PARD3: variants seen among roughly 807,000 people sequenced by gnomAD.
PARD3 encodes par-3 family cell polarity regulator, also known as partitioning defective 3 homolog.
PARD3 carries 75 observed loss-of-function variants against 155.4 expected under a neutral mutation model. The observed-to-expected ratio is 0.48, with a 90% CI of 0.40 to 0.58. The LOEUF (loss-of-function observed/expected upper bound fraction) is 0.58. Ranked by LOEUF, PARD3 falls within the 20% of genes least tolerant of loss-of-function variation. The probability of loss-of-function intolerance (pLI) is 0.00; values close to 1 mark genes in which losing one functional copy is unlikely to be tolerated. For missense variants in PARD3, 1,642 were observed against 1,721.7 expected (o/e 0.95, Z 0.82); for synonymous variants, 576 against 610.5 (o/e 0.94, Z 0.83).
intron 5 of PARD3, among the ~76,000 whole-genome samples, chr10:34,421,663 A>C (rs189437600): frequency 5.3e-5 from 8 of 152,316 alleles, no homozygotes; most frequent in Admixed American, 2.0e-4. Context: ...TCATTCACTT[A>C]TTTATTCAAT....
chr10:34,369,316 GTTTATTT>G lies in PARD3; in HGVS notation c.1707+3175_1707+3181del, dbSNP rs1840337951. The stretch of plus-strand genomic sequence containing the variant: ...ATTTTTGTGATTTATTTATTTATTT[GTTTATTT>G]ATTTATTTATTTATTTATTTATTTA... On this transcript the variant is annotated intron_variant, in intron 12 of 24. Coordinates refer to ENST00000374788, the MANE Select transcript of PARD3 (RefSeq NM_001184785.2). 2.3e-3 allele frequency among the ~76,000 whole-genome samples: 132 copies of G among 56,194 alleles called. 1 individual carries two copies. Among genetic ancestry groups the G allele is most frequent in the African/African-American group, 4.8e-3 (91 of 18,950 alleles). The allele number at this position is 56,194 out of a possible 152,430, so 36.9% of individuals were successfully genotyped here.
At chr10:34,667,798 T>G (rs982384628) in intron 2 of PARD3, among the ~76,000 whole-genome samples, 2 of 152,200 alleles carry the variant, frequency 1.3e-5, no homozygotes, top group Non-Finnish European at 2.9e-5. Context: ...TATTTTTAAA[T>G]TCCACAAGAA....
chr10:34,632,902 G>A (rs938623771), intron 2 of PARD3, among the ~76,000 whole-genome samples: 1 of 152,174 alleles, frequency 6.6e-6, no homozygotes, highest in Admixed American at 6.5e-5. Flanking sequence ...AGCTCCAGTG[G>A]CCACAGGTGG....
intron 20 of PARD3, among the ~76,000 whole-genome samples, chr10:34,299,600 A>C (rs966760204): frequency 4.6e-5 from 7 of 152,226 alleles, no homozygotes; most frequent in African/African-American, 1.4e-4. Context: ...TGCTTAAAGA[A>C]ATTCTGTCAG....
intron 23 of PARD3, among the ~76,000 whole-genome samples, chr10:34,124,790 C>A (rs1429502686): frequency 6.6e-6 from 1 of 152,094 alleles, no homozygotes; most frequent in Non-Finnish European, 1.5e-5. Context: ...ATCTTTTATC[C>A]CCGCCCCCAT....
intron 2 of PARD3, among the ~76,000 whole-genome samples, chr10:34,596,609 G>A (rs530204072): frequency 6.6e-6 from 1 of 152,198 alleles, no homozygotes; most frequent in African/African-American, 2.4e-5. Context: ...CACCCTCCAC[G>A]AGTTCCCTTC....
Position 34,252,318 on chromosome 10 carries a change from C to T in PARD3, c.3419+17339G>A, listed in dbSNP as rs369846468. 6.6e-5 allele frequency among the ~76,000 whole-genome samples: 10 copies of T among 152,256 alleles called. No homozygotes were observed. In the East Asian group the frequency reaches 1.2e-3, roughly 18 times the overall value. On this transcript the variant is annotated intron_variant, in intron 22 of 24. Transcript: ENST00000374788. ...ATTCCATGCAGAAGCACCTCTGACTCACTCCCTCCTAAGGACTGAGGCTCC... is the reference window on the plus strand; with the variant it reads ...ATTCCATGCAGAAGCACCTCTGACTTACTCCCTCCTAAGGACTGAGGCTCC...
intron 2 of PARD3, among the ~76,000 whole-genome samples, chr10:34,539,343 C>T (rs1255454640): frequency 6.6e-6 from 1 of 152,104 alleles, no homozygotes; most frequent in Non-Finnish European, 1.5e-5. Flanking sequence ...TATAAACTTA[C>T]AGTTAAATAA....
intron 14 of PARD3, among the ~76,000 whole-genome samples, chr10:34,352,700 T>TC (rs1451862564): frequency 1.3e-5 from 2 of 152,162 alleles, no homozygotes; most frequent in African/African-American, 4.8e-5. Flanking sequence ...CGCTACAATC[T>TC]CCACCTCGCA....
intron 1 of PARD3, among the ~76,000 whole-genome samples, chr10:34,761,403 T>C (rs1837424009): frequency 6.6e-6 from 1 of 152,098 alleles, no homozygotes; most frequent in South Asian, 2.1e-4. Context: ...ACAGCGAGAC[T>C]CTGTCAAAAA....
intron 3 of PARD3, among the ~76,000 whole-genome samples, chr10:34,472,873 A>G (rs1564751536): frequency 6.6e-6 from 1 of 152,242 alleles, no homozygotes; most frequent in African/African-American, 2.4e-5. Flanking sequence ...CATTGCATAC[A>G]TGATTTTGAT....
At chr10:34,260,089 G>A (rs1362964992) in intron 22 of PARD3, among the ~76,000 whole-genome samples, 1 of 151,736 alleles carries the variant, frequency 6.6e-6, no homozygotes, top group Non-Finnish European at 1.5e-5. Flanking sequence ...ATCCTCCTAT[G>A]TCAGCCTTCC....
At chr10:34,569,713 G>A (rs899676010) in intron 2 of PARD3, among the ~76,000 whole-genome samples, 4 of 151,968 alleles carry the variant, frequency 2.6e-5, no homozygotes, top group Non-Finnish European at 4.4e-5. Flanking sequence ...CACCGTGCCC[G>A]GCACCTACTA....
chr10:34,130,321 AT>A (rs1236310909), intron 23 of PARD3, among the ~76,000 whole-genome samples: 1 of 151,954 alleles, frequency 6.6e-6, no homozygotes, highest in Non-Finnish European at 1.5e-5. Flanking sequence ...CTTCCCCAGT[AT>A]CCTTGGTAGG....
chr10:34,657,593 C>G (rs996634675), intron 2 of PARD3, among the ~76,000 whole-genome samples: 6 of 152,100 alleles, frequency 3.9e-5, no homozygotes, highest in Admixed American at 3.3e-4. Flanking sequence ...GACTGGAGTA[C>G]AGTGGCACGA....
intron 22 of PARD3, among the ~76,000 whole-genome samples, chr10:34,211,201 C>T (rs1024464724): frequency 6.6e-6 from 1 of 152,136 alleles, no homozygotes; most frequent in African/African-American, 2.4e-5. Context: ...CAATCACCTC[C>T]AACCAAGAGA....
At chr10:34,665,846 AGAACAGAACAGAAC>A (rs1564479555) in intron 2 of PARD3, among the ~76,000 whole-genome samples, 8 of 57,782 alleles carry the variant, frequency 1.4e-4, no homozygotes, top group African/African-American at 4.7e-4. Context: ...ATTAAAGAAC[AGAACAGAACAGAAC>A]AGAACAGAAC....
In PARD3 at chr10:34,465,015, C is replaced by G. The variant is rs555902785; in HGVS notation, c.582+5070G>C. On this transcript the variant is annotated intron_variant, in intron 4 of 24. Transcript: ENST00000374788. ...GGTGGACTACTGCACATAACCCATG[C>G]ACATCCTCCCATATAGTTTAAATGA... Among the ~76,000 whole-genome samples the G allele has an allele frequency of 5.9e-5, 9 of 152,280 alleles. No homozygotes were observed. In the South Asian group the frequency reaches 1.7e-3, roughly 28 times the overall value.
At chr10:34,368,144 A>G (rs1268783367) in intron 12 of PARD3, among the ~76,000 whole-genome samples, 1 of 151,918 alleles carries the variant, frequency 6.6e-6, no homozygotes, top group Non-Finnish European at 1.5e-5. Context: ...CAACTACTCA[A>G]AAGGCTGAGA....
Sources: allele counts gnomAD v4.1 joint callset (sites outside exome capture counted in the v4.1 genomes callset), GRCh38; gene constraint gnomAD v4.1.1; transcripts MANE v1.5; gene names NCBI Gene and HGNC (gene_info 2026-07-23, HGNC 2026-07-21).